CAPN13: variants seen among roughly 807,000 people sequenced by gnomAD.
CAPN13 encodes the protein calpain-13.
In CAPN13, 90 loss-of-function variants were observed where a neutral mutation model predicts 98.4. That is an observed-to-expected ratio of 0.92 (90% CI 0.77 to 1.09). The LOEUF (loss-of-function observed/expected upper bound fraction) is 1.09. CAPN13 is among the 50% of genes least tolerant of loss of function. The pLI is 0.00. For synonymous variants in CAPN13, 330 were observed against 305.5 expected, an observed-to-expected ratio of 1.08 and a Z score of -0.84; for missense variants, 887 against 841.3, an observed-to-expected ratio of 1.05 and a Z score of -0.67.
At chr2:30,778,277 G>A (rs1051936279) in intron 2 of CAPN13, among the ~76,000 whole-genome samples, 4 of 151,812 alleles carry the variant, frequency 2.6e-5, no homozygotes, top group Non-Finnish European at 5.9e-5. Flanking sequence ...CTGCCAGCCA[G>A]AGACAGTGGT....
At chr2:30,790,643 T>G (rs1376474546) in intron 1 of CAPN13, among the ~76,000 whole-genome samples, 1 of 152,214 alleles carries the variant, frequency 6.6e-6, no homozygotes, top group Non-Finnish European at 1.5e-5. Flanking sequence ...TGGGCTGCCA[T>G]AGCAAAATAC....
In CAPN13 at chr2:30,736,461, T is replaced by C. The variant is rs180709115; in HGVS notation, c.1722+42A>G. 318 of 1,598,006 alleles carry C rather than the reference T, an allele frequency of 2.0e-4. 1 individual carries two copies. The East Asian group carries it at 7.0e-3, about 35-fold the overall frequency. On this transcript the variant is annotated intron_variant, in intron 18 of 22. Coordinates refer to ENST00000295055, the MANE Select transcript of CAPN13 (RefSeq NM_144575.3). ...AGACACCCAGTAAATCCTTGCTAAC[T>C]GGACAGAATGAGAGTGCTAGTCACA...
chr2:30,783,978 T>G (rs1288926965), intron 2 of CAPN13, among the ~76,000 whole-genome samples: 3 of 151,968 alleles, frequency 2.0e-5, no homozygotes, highest in African/African-American at 7.3e-5. Context: ...GTCAGGAGTT[T>G]GAGACCAGCC....
chr2:30,800,957 G>T (rs966189480), intron 1 of CAPN13, among the ~76,000 whole-genome samples: 1 of 152,102 alleles, frequency 6.6e-6, no homozygotes, highest in Non-Finnish European at 1.5e-5. Flanking sequence ...TCCCAGCATG[G>T]TTTTTTTCTT....
At chr2:30,780,632 C>T (rs559035001) in intron 2 of CAPN13, among the ~76,000 whole-genome samples, 1 of 152,292 alleles carries the variant, frequency 6.6e-6, no homozygotes, top group Non-Finnish European at 1.5e-5. Context: ...TTTCAAACCA[C>T]AAATCAATAG....
intron 14 of CAPN13, 93 bp downstream of exon 14, chr2:30,742,233 G>T (rs1671698231): frequency 3.6e-6 from 5 of 1,400,820 alleles, no homozygotes; most frequent in African/African-American, 1.4e-5. Flanking sequence ...TCATTGGTTG[G>T]GGGCAGCGGG....
At chr2:30,738,479 T>A (rs773331932) in intron 15 of CAPN13, 22 bp from the exon 16 acceptor site, 1 of 1,592,126 alleles carries the variant, frequency 6.3e-7, no homozygotes, top group South Asian at 1.1e-5. Context: ...AAGGAAGGAA[T>A]GCAGGAATTA....
intron 19 of CAPN13, among the ~76,000 whole-genome samples, chr2:30,733,685 G>C (rs943912830): frequency 7.9e-5 from 12 of 152,130 alleles, no homozygotes; most frequent in African/African-American, 2.9e-4. Context: ...GCTACAGGTG[G>C]GGGCAACGGT....
At chr2:30,790,685 C>G (rs1230427045) in intron 1 of CAPN13, among the ~76,000 whole-genome samples, 1 of 152,160 alleles carries the variant, frequency 6.6e-6, no homozygotes, top group African/African-American at 2.4e-5. Context: ...GCATTTATGC[C>G]TGAGGTTGCA....
intron 17 of CAPN13, chr2:30,737,497 G>A (rs1671433239): frequency 6.6e-6 from 1 of 152,358 alleles, no homozygotes; most frequent in Admixed American, 6.5e-5. Flanking sequence ...GAAATCAGGA[G>A]GAGGGTCAGG....
chr2:30,795,677 TA>T (rs1674821156), intron 1 of CAPN13, among the ~76,000 whole-genome samples: 1 of 152,150 alleles, frequency 6.6e-6, no homozygotes, highest in South Asian at 2.1e-4. Flanking sequence ...ATATGTCTTG[TA>T]AATATCTTCT....
chr2:30,733,579 A>G (rs1671208486), intron 19 of CAPN13, among the ~76,000 whole-genome samples: 1 of 151,996 alleles, frequency 6.6e-6, no homozygotes, highest in Admixed American at 6.6e-5. Context: ...CCTGAGCCCC[A>G]CCCACACCCC....
chr2:30,772,203 A>G (rs1442581353), intron 4 of CAPN13, among the ~76,000 whole-genome samples: 1 of 152,158 alleles, frequency 6.6e-6, no homozygotes, highest in East Asian at 1.9e-4. Context: ...TTCCTGGTTC[A>G]TGCCTCTGGG....
At chr2:30,771,606 G>T (rs933199831) in intron 4 of CAPN13, among the ~76,000 whole-genome samples, 1 of 152,202 alleles carries the variant, frequency 6.6e-6, no homozygotes, top group Non-Finnish European at 1.5e-5. Flanking sequence ...TTTTAGGAGG[G>T]TGATTACAAA....
intron 8 of CAPN13, among the ~76,000 whole-genome samples, chr2:30,756,946 G>A (rs528073378): frequency 6.6e-6 from 1 of 152,162 alleles, no homozygotes; most frequent in Non-Finnish European, 1.5e-5. Flanking sequence ...AGTGCCCAGG[G>A]GTGCCAAGGT....
At chr2:30,771,466 G>C (rs1288279115) in intron 4 of CAPN13, among the ~76,000 whole-genome samples, 1 of 152,226 alleles carries the variant, frequency 6.6e-6, no homozygotes, top group African/African-American at 2.4e-5. Context: ...TGGAGACAAA[G>C]CAAAGATGTT....
chr2:30,731,267 GA>G (rs1671075888), intron 21 of CAPN13, 76 bp downstream of exon 21: 8 of 1,350,856 alleles, frequency 5.9e-6, no homozygotes, highest in South Asian at 1.5e-5. Context: ...TCCTCAGGGA[GA>G]AAAATGCCCT....
intron 1 of CAPN13, among the ~76,000 whole-genome samples, chr2:30,800,071 C>G (rs993597454): frequency 7.5e-6 from 1 of 133,002 alleles, no homozygotes; most frequent in African/African-American, 2.9e-5. Context: ...GAGACTCCAT[C>G]TCAAAAAAAG....
At chr2:30,751,840 A>G (rs1016698722) in intron 10 of CAPN13, among the ~76,000 whole-genome samples, 2 of 152,360 alleles carry the variant, frequency 1.3e-5, no homozygotes, top group Middle Eastern at 3.4e-3. Context: ...GTAGAGGACC[A>G]TCATAGCATG....
Sources: gnomAD v4.1 joint callset for allele counts (sites outside exome capture counted in the v4.1 genomes callset) on GRCh38, gnomAD v4.1.1 for gene constraint, MANE v1.5 for transcripts, NCBI Gene and HGNC (gene_info 2026-07-23, HGNC 2026-07-21) for gene names.